Variants in ROS1 observed in about 807,000 individuals in gnomAD.
ROS1 encodes ROS proto-oncogene 1, receptor tyrosine kinase.
ROS1 carries 263 observed loss-of-function variants against 273.5 expected under a neutral mutation model. That is an observed-to-expected ratio of 0.96 (90% CI 0.87 to 1.06). The LOEUF is 1.06. Among genes scored for constraint, ROS1 ranks in the 50% least tolerant of loss-of-function variants. ROS1 has a pLI of 0.00. For synonymous variants in ROS1, 1,008 were observed against 954.1 expected (o/e 1.06, Z -1.04); for missense variants, 2,833 against 2,751.1 (o/e 1.03, Z -0.67).
At chr6:117,391,151 C>T (rs1773034031) in intron 12 of ROS1, among the ~76,000 whole-genome samples, 1 of 152,188 alleles carries the variant, frequency 6.6e-6, no homozygotes, top group South Asian at 2.1e-4. Context: ...AACTCCTATG[C>T]TAGAATAATA....
At chr6:117,373,818 T>C (rs1781088800) in intron 18 of ROS1, among the ~76,000 whole-genome samples, 2 of 152,238 alleles carry the variant, frequency 1.3e-5, no homozygotes, top group African/African-American at 4.8e-5. Context: ...GAGCGAGGGC[T>C]GCTAGCACGT....
chr6:117,425,551 A>ATTAGTTACACACTTTTAAATAG lies in ROS1; in HGVS notation c.105_106insCTATTTAAAAGTGTGTAACTAA (p.Ser36LeufsTer6), dbSNP rs1287982877. ...AGACTTACCAGATTAGTTACACACG[A>ATTAGTTACACACTTTTAAATAG]CTTTAGGCAGCTATTTAAAACTGTA... On this transcript the variant is annotated stop_gained and frameshift_variant, in exon 1 of 44. Transcript: ENST00000368507. LOFTEE classifies it high-confidence loss of function. 2 of 1,601,686 alleles carry ATTAGTTACACACTTTTAAATAG rather than the reference A, an allele frequency of 1.2e-6. No individual in the cohort carries two copies. The highest frequency in any genetic ancestry group is 1.8e-5 in the Admixed American group (1 of 56,968).
chr6:117,353,363 C>A (rs1274461785), intron 26 of ROS1, among the ~76,000 whole-genome samples, 197 bp from the exon 27 acceptor site: 1 of 152,066 alleles, frequency 6.6e-6, no homozygotes, highest in Non-Finnish European at 1.5e-5. Context: ...CCATATCAAG[C>A]CAATCAGGTA....
intron 7 of ROS1, among the ~76,000 whole-genome samples, chr6:117,399,749 A>T (rs2128720272): frequency 6.6e-6 from 1 of 152,310 alleles, no homozygotes; most frequent in Middle Eastern, 3.4e-3. Context: ...ACATCTTCAA[A>T]ATAATAAGTC....
At chr6:117,401,753 T>C (rs1344202498) in intron 7 of ROS1, among the ~76,000 whole-genome samples, 1 of 148,570 alleles carries the variant, frequency 6.7e-6, no homozygotes, top group African/African-American at 2.5e-5. Flanking sequence ...TGCGCAATCT[T>C]CCTTTCAATT....
At chr6:117,373,395 G>C (rs1022534524) in intron 18 of ROS1, among the ~76,000 whole-genome samples, 20 of 152,376 alleles carry the variant, frequency 1.3e-4, no homozygotes, top group African/African-American at 3.4e-4. Context: ...GGGGGGACTT[G>C]GGCATGGCAG....
chr6:117,372,667 G>A (rs1465628146), intron 18 of ROS1, among the ~76,000 whole-genome samples: 1 of 152,138 alleles, frequency 6.6e-6, no homozygotes, highest in African/African-American at 2.4e-5. Context: ...TGGCGCATCT[G>A]GAGTCGCTCA....
chr6:117,301,125 C>A lies in ROS1; in HGVS notation c.6564G>T (p.Met2188Ile), dbSNP rs1213243422. The change falls in exon 43 of 44, where the codon ATG becomes ATT. Residue 2188 changes from methionine to isoleucine, a missense_variant. Coordinates refer to ENST00000368507, the MANE Select transcript of ROS1 (RefSeq NM_001378902.1). ...RNCPDDLWNL[M>I]TQCWAQEPDQ... ...CGGGTTCTTGAGCCCAGCACTGGGTCATTAAATTCCACCTAAATATATGGG... is the reference window on the plus strand; with the variant it reads ...CGGGTTCTTGAGCCCAGCACTGGGTAATTAAATTCCACCTAAATATATGGG... 1 of 1,583,354 alleles carries A rather than the reference C, an allele frequency of 6.3e-7. No homozygotes were observed. Among genetic ancestry groups the A allele is most frequent in the East Asian group, 2.3e-5 (1 of 43,794 alleles).
intron 32 of ROS1, among the ~76,000 whole-genome samples, chr6:117,334,534 C>A (rs1350542575): frequency 6.6e-6 from 1 of 152,102 alleles, no homozygotes; most frequent in Non-Finnish European, 1.5e-5. Flanking sequence ...CCCCATGTAG[C>A]CAAGACAATC....
chr6:117,343,878 A>G (rs555318181), intron 28 of ROS1, among the ~76,000 whole-genome samples, 182 bp downstream of exon 28: 86 of 152,340 alleles, frequency 5.6e-4, no homozygotes, highest in Admixed American at 2.2e-3. Context: ...ACTTCCTTGA[A>G]GCTTAACTTA....
Position 117,321,293 on chromosome 6 carries a change from C to CT in ROS1, c.5724_5725insA (p.Gly1909ArgfsTer6). The CT allele has an allele frequency of 6.2e-7, 1 of 1,613,818 alleles. No individual in the cohort carries two copies. The highest frequency in any genetic ancestry group is 8.5e-7 in the Non-Finnish European group (1 of 1,179,840). ...TAGCAGGCATTAGCCAGGCCTACTC[C>CT]GGCTGCCAGACCTCGCAGCTCAGCC... On this transcript the variant is annotated frameshift_variant, in exon 36 of 44. Transcript: ENST00000368507. LOFTEE classifies it high-confidence loss of function.
At chr6:117,360,427 T>C (rs2128650560) in intron 22 of ROS1, 22 bp from the exon 23 acceptor site, 1 of 1,584,692 alleles carries the variant, frequency 6.3e-7, no homozygotes, top group Middle Eastern at 1.7e-4. Context: ...GAAACAAAAA[T>C]TGCATTCAGT....
At chr6:117,289,027 G>A (rs1324335391) in intron 43 of ROS1, among the ~76,000 whole-genome samples, 1 of 152,136 alleles carries the variant, frequency 6.6e-6, no homozygotes, top group East Asian at 1.9e-4. Flanking sequence ...TCTGCTATAT[G>A]TATATATATG....
Position 117,394,149 on chromosome 6 carries a change from T to C in ROS1, c.1191+13A>G. The C allele has an allele frequency of 6.4e-7, 1 of 1,550,682 alleles. No homozygotes were observed. The highest frequency in any genetic ancestry group is 8.7e-7 in the Non-Finnish European group (1 of 1,144,142). Reference sequence around the variant, plus strand: ...CTGTCTATCACTATTCCTCTTTAACTTCTCGGACTAACCAGTTCATCCATG... The same window carrying C: ...CTGTCTATCACTATTCCTCTTTAACCTCTCGGACTAACCAGTTCATCCATG... On this transcript the variant is annotated intron_variant, in intron 11 of 43. Transcript: ENST00000368507.
At chr6:117,308,294 A>C (rs866288311) in intron 42 of ROS1, among the ~76,000 whole-genome samples, 4 of 152,146 alleles carry the variant, frequency 2.6e-5, no homozygotes, top group African/African-American at 9.7e-5. Context: ...TATGTTCATA[A>C]ACAGGTCACA....
At position 117,393,313 on chromosome 6, in the gene ROS1, G is replaced by T. The variant is rs2128711102; in HGVS notation, c.1200C>A (p.Val400=). ...MYFIMDELVC[V]CDLENCSNIE... The stretch of plus-strand genomic sequence containing the variant: ...TGTTTGAGCAGTTCTCTAAATCACA[G>T]ACACATACCTAAAAAAATAAAAAAT... Residue 400 remains valine (V), a synonymous_variant, in exon 12 of 44, where the codon GTC becomes GTA. Transcript: ENST00000368507. 6.2e-7 allele frequency: 1 copy of T among 1,600,524 alleles called. No homozygotes were observed. The highest frequency in any genetic ancestry group is 1.1e-5 in the South Asian group (1 of 90,608).
At chr6:117,330,669 T>C (rs1777014016) in intron 32 of ROS1, among the ~76,000 whole-genome samples, 1 of 152,144 alleles carries the variant, frequency 6.6e-6, no homozygotes, top group Admixed American at 6.5e-5. Flanking sequence ...TATCCAGGCG[T>C]GGGAGCAAAT....
At chr6:117,358,249 G>T (rs1779495408) in intron 24 of ROS1, among the ~76,000 whole-genome samples, 1 of 151,748 alleles carries the variant, frequency 6.6e-6, no homozygotes, top group Non-Finnish European at 1.5e-5. Context: ...TATATCTTCA[G>T]ACAAGATCTT....
At chr6:117,386,434 C>T (rs545741432) in intron 15 of ROS1, among the ~76,000 whole-genome samples, 68 of 152,372 alleles carry the variant, frequency 4.5e-4, no homozygotes, top group African/African-American at 1.6e-3. Flanking sequence ...TTCCTTCTAA[C>T]GCCTTCCAGG....
Sources: allele counts gnomAD v4.1 joint callset (sites outside exome capture counted in the v4.1 genomes callset), GRCh38; gene constraint gnomAD v4.1.1; transcripts MANE v1.5; gene names NCBI Gene and HGNC (gene_info 2026-07-23, HGNC 2026-07-21).